The following DOCK10 variants were observed in gnomAD, a reference collection of about 807,000 sequenced individuals.
DOCK10 encodes dedicator of cytokinesis 10.
In DOCK10, 145 loss-of-function variants were observed where a neutral mutation model predicts 280.1. That is an observed-to-expected ratio of 0.52 (90% confidence interval 0.45 to 0.59). The LOEUF is 0.59. DOCK10 is among the 20% of genes least tolerant of loss of function. The pLI is 0.00. For synonymous variants in DOCK10, 915 were observed against 942.2 expected, an observed-to-expected ratio of 0.97 and a Z score of 0.53; for missense variants, 2,368 against 2,651.7, an observed-to-expected ratio of 0.89 and a Z score of 2.35.
At chr2:224,817,609 C>CAT (rs1426104021) in intron 29 of DOCK10, among the ~76,000 whole-genome samples, 1 of 152,152 alleles carries the variant, frequency 6.6e-6, no homozygotes, top group Non-Finnish European at 1.5e-5. Context: ...AACTATTTTA[C>CAT]ATTGAGAACA....
chr2:225,035,541 A>ATT (rs1296639820), intron 1 of DOCK10, among the ~76,000 whole-genome samples: 48 of 53,542 alleles, frequency 9.0e-4, no homozygotes, highest in South Asian at 3.9e-3. Flanking sequence ...TATGATATAT[A>ATT]TTATATATAT....
chr2:224,797,005 C>A lies in DOCK10; in HGVS notation c.4786G>T (p.Glu1596Ter), dbSNP rs1357215012. 1 of 1,613,324 alleles carries A rather than the reference C, an allele frequency of 6.2e-7. No homozygotes were observed. The highest frequency in any genetic ancestry group is 8.5e-7 in the Non-Finnish European group (1 of 1,179,648). ...ACAATTGACTTCTGCTTGTTAAATT[C>A]AAAATTCTTCCTCATGAAAAAGTAC... The part of the protein sequence containing the change: ...LLYFFMRKNF[E>*]FNKQKSIVRS... The change falls in exon 43 of 56, where the codon GAA becomes TAA. Residue 1596 changes from glutamate to a stop codon, truncating the protein, a stop_gained. Transcript: ENST00000258390. LOFTEE classifies it high-confidence loss of function.
At chr2:224,963,436 G>A (rs1048621709) in intron 1 of DOCK10, among the ~76,000 whole-genome samples, 51 of 152,172 alleles carry the variant, frequency 3.4e-4, no homozygotes, top group African/African-American at 1.0e-3. Context: ...ATAAAATTGT[G>A]TTTCTGTTCT....
At chr2:225,027,037 C>T (rs190943764) in intron 1 of DOCK10, among the ~76,000 whole-genome samples, 10 of 152,264 alleles carry the variant, frequency 6.6e-5, no homozygotes, top group Admixed American at 5.9e-4. Flanking sequence ...TGTCAGGCCC[C>T]GTACATAGAG....
intron 1 of DOCK10, among the ~76,000 whole-genome samples, chr2:225,004,980 CATTAA>C (rs1331170274): frequency 1.2e-4 from 19 of 152,272 alleles, no homozygotes; most frequent in African/African-American, 4.6e-4. Context: ...GGAGAATGAA[CATTAA>C]ATTAAATCTA....
At chr2:224,979,600 C>T (rs546793193) in intron 1 of DOCK10, among the ~76,000 whole-genome samples, 14 of 152,360 alleles carry the variant, frequency 9.2e-5, no homozygotes, top group South Asian at 6.2e-4. Flanking sequence ...GGCTTCTTCC[C>T]ACATTAGGGC....
chr2:225,029,686 A>G (rs1437177682), intron 1 of DOCK10, among the ~76,000 whole-genome samples: 1 of 152,228 alleles, frequency 6.6e-6, no homozygotes, highest in Non-Finnish European at 1.5e-5. Context: ...CATTAGCTCA[A>G]AAGTGTGTCA....
chr2:225,005,448 T>C (rs1706539611), intron 1 of DOCK10, among the ~76,000 whole-genome samples: 1 of 152,240 alleles, frequency 6.6e-6, no homozygotes, highest in Non-Finnish European at 1.5e-5. Flanking sequence ...GTTATTCATG[T>C]CCCACCATCT....
chr2:225,019,861 G>A (rs1689739359), intron 1 of DOCK10, among the ~76,000 whole-genome samples: 1 of 152,164 alleles, frequency 6.6e-6, no homozygotes, highest in East Asian at 1.9e-4. Flanking sequence ...AATTTAAGTA[G>A]AAGTAAGGCA....
chr2:224,910,925 A>T (rs11903806), intron 3 of DOCK10, among the ~76,000 whole-genome samples: 2,558 of 151,870 alleles, frequency 0.017, 70 homozygotes, highest in African/African-American at 0.059. Flanking sequence ...ACACAGAAAA[A>T]TTAGCAGGGA....
chr2:224,969,621 G>C (rs1179740568), intron 1 of DOCK10, among the ~76,000 whole-genome samples: 2 of 152,120 alleles, frequency 1.3e-5, no homozygotes, highest in African/African-American at 2.4e-5. Flanking sequence ...TCACAGATTT[G>C]CTATGCTTCA....
intron 1 of DOCK10, among the ~76,000 whole-genome samples, chr2:225,039,508 A>G (rs778146657): frequency 6.7e-6 from 1 of 148,432 alleles, no homozygotes; most frequent in Non-Finnish European, 1.5e-5. Flanking sequence ...GTCTGCAAGT[A>G]CATAAGCCTA....
intron 55 of DOCK10, among the ~76,000 whole-genome samples, chr2:224,768,256 G>A (rs1184719494): frequency 6.6e-6 from 1 of 151,964 alleles, no homozygotes; most frequent in Non-Finnish European, 1.5e-5. Context: ...TTTTTCCTTT[G>A]TTGTAATTTT....
chr2:224,849,166 G>A (rs1696561202), intron 19 of DOCK10, among the ~76,000 whole-genome samples: 1 of 152,042 alleles, frequency 6.6e-6, no homozygotes, highest in South Asian at 2.1e-4. Flanking sequence ...AGTAGAGACG[G>A]GGTTTCACCA....
rs150626817 is a variant in DOCK10, at chr2:225,001,686, G to T, written c.123+40566C>A. On this transcript the variant is annotated intron_variant, in intron 1 of 55. Transcript: ENST00000258390. ...GCTGCTATAATAAATACCATAACCT[G>T]GGTGGTTTATAAACAACAAAAATTA... 9.8e-3 allele frequency among the ~76,000 whole-genome samples: 1,488 copies of T among 152,278 alleles called. 15 individuals are homozygous for T. The highest frequency in any genetic ancestry group is 0.014 in the Middle Eastern group (4 of 294).
intron 19 of DOCK10, among the ~76,000 whole-genome samples, chr2:224,847,974 C>G (rs1027065434): frequency 5.3e-5 from 8 of 152,120 alleles, no homozygotes; most frequent in African/African-American, 1.9e-4. Context: ...CAAATGAGCA[C>G]AGTGTCATCA....
chr2:224,841,652 G>GAAATA (rs1448196843), intron 23 of DOCK10, among the ~76,000 whole-genome samples, 152 bp downstream of exon 23: 1 of 152,116 alleles, frequency 6.6e-6, no homozygotes, highest in African/African-American at 2.4e-5. Context: ...CAGAAATTAT[G>GAAATA]AAATAAAATC....
chr2:224,783,688 G>A (rs1176396894), intron 50 of DOCK10, among the ~76,000 whole-genome samples: 2 of 151,954 alleles, frequency 1.3e-5, no homozygotes, highest in African/African-American at 4.8e-5. Context: ...TAGGTCATTT[G>A]CAAGGGCTCC....
chr2:224,805,249 A>T lies in DOCK10; in HGVS notation c.4008T>A (p.Ser1336Arg), dbSNP rs1166889410. The stretch of plus-strand genomic sequence containing the variant: ...TAATGTGAAGAAAACACATCAGGAG[A>T]CTCCTGGTTTCTGCTTGATCTAACT... ...FDKLDQAETR[S>R]LLMCFLHIMK... is the part of the protein sequence containing the mutation. Residue 1336 changes from serine (S) to arginine (R), a missense_variant, in exon 36 of 56, where the codon AGT becomes AGA. By Grantham distance (110) the Ser-to-Arg change is moderately radical (BLOSUM62 -1). This residue lies in a region of DOCK10 where 1,159 missense variants were observed against 1,400.8 expected (regional missense o/e 0.83). Transcript: ENST00000258390. The surrounding 1 kb of genome is among the most constrained non-coding windows in gnomAD (Gnocchi z 4.3). 1 of 1,612,826 alleles carries T rather than the reference A, an allele frequency of 6.2e-7. No individual in the cohort carries two copies. Among genetic ancestry groups the T allele is most frequent in the Admixed American group, 1.7e-5 (1 of 59,884 alleles).
Sources: gnomAD v4.1 joint callset for allele counts (sites outside exome capture counted in the v4.1 genomes callset) on GRCh38, gnomAD v4.1.1 for gene constraint, gnomAD v4.1.1 regional missense constraint, Gnocchi (gnomAD v3.1) non-coding constraint, MANE v1.5 for transcripts, NCBI Gene and HGNC (gene_info 2026-07-23, HGNC 2026-07-21) for gene names.